ZBTB44: variants seen among roughly 807,000 people sequenced by gnomAD.
ZBTB44 encodes the protein zinc finger and BTB domain-containing protein 44.
ZBTB44 carries 15 observed loss-of-function variants against 54.0 expected under a neutral mutation model. That is an observed-to-expected ratio of 0.28 (90% CI 0.19 to 0.43). The LOEUF (loss-of-function observed/expected upper bound fraction) is 0.43, where lower values mean the gene tolerates loss of function less well. ZBTB44 is among the 20% of genes least tolerant of loss of function. ZBTB44 has a pLI of 1.00. For missense variants in ZBTB44, 487 were observed against 707.1 expected, an observed-to-expected ratio of 0.69 and a Z score of 3.53; for synonymous variants, 230 against 250.1, an observed-to-expected ratio of 0.92 and a Z score of 0.76.
chr11:130,267,557 A>G (rs1939340534), intron 1 of ZBTB44, among the ~76,000 whole-genome samples: 1 of 151,864 alleles, frequency 6.6e-6, no homozygotes, highest in African/African-American at 2.4e-5. Context: ...GGTGTGTATC[A>G]CCACGCCTGG....
At position 130,226,940 on chromosome 11, in the gene ZBTB44, A is replaced by G. The variant is rs931938811; in HGVS notation, c.*4824T>C. On this transcript the variant is annotated 3_prime_UTR_variant, in exon 8 of 8. Transcript: ENST00000357899. ...ATATTTTCCTTATATCAAACAAGCT[A>G]ATTTCAGTACAATATAACTATACAG... The G allele has an allele frequency of 6.6e-6, 1 of 152,206 alleles. No homozygotes were observed. Among genetic ancestry groups the G allele is most frequent in the Non-Finnish European group, 1.5e-5 (1 of 68,038 alleles). 9.4% of individuals were successfully genotyped at this position (152,206 alleles called of 1,614,324 possible).
At chr11:130,233,666 G>C (rs1953980402) in intron 6 of ZBTB44, 1 of 1,257,750 alleles carries the variant, frequency 8.0e-7, no homozygotes. Flanking sequence ...ATAATCATCT[G>C]ATTTCCTCTC....
chr11:130,275,382 T>C (rs1388781149), intron 1 of ZBTB44, among the ~76,000 whole-genome samples: 5 of 152,216 alleles, frequency 3.3e-5, no homozygotes, highest in Admixed American at 1.3e-4. Context: ...ATTCACTATG[T>C]TGCCCAGGCT....
chr11:130,303,021 A>C (rs1019982928), intron 1 of ZBTB44, among the ~76,000 whole-genome samples: 4 of 152,166 alleles, frequency 2.6e-5, no homozygotes, highest in Non-Finnish European at 5.9e-5. Context: ...AAAGTAAGTA[A>C]ATCTAAGTCC....
chr11:130,287,977 A>AAAAG (rs1555174574), intron 1 of ZBTB44, among the ~76,000 whole-genome samples: 1 of 151,940 alleles, frequency 6.6e-6, no homozygotes, highest in Non-Finnish European at 1.5e-5. Flanking sequence ...AAAAAAAAAA[A>AAAAG]AAAGAAAGAA....
At chr11:130,267,929 C>T (rs980301339) in intron 1 of ZBTB44, among the ~76,000 whole-genome samples, 3 of 151,746 alleles carry the variant, frequency 2.0e-5, no homozygotes, top group African/African-American at 7.3e-5. Flanking sequence ...AAAAATTAGC[C>T]GGGTGTGGTG....
At chr11:130,289,692 C>A (rs1002190421) in intron 1 of ZBTB44, among the ~76,000 whole-genome samples, 16 of 152,066 alleles carry the variant, frequency 1.1e-4, no homozygotes, top group African/African-American at 3.9e-4. Context: ...GTTTTGTTAC[C>A]ATAGGAGAGC....
intron 1 of ZBTB44, among the ~76,000 whole-genome samples, chr11:130,302,317 T>C (rs367598534): frequency 1.1e-4 from 17 of 152,242 alleles, no homozygotes; most frequent in African/African-American, 3.9e-4. Flanking sequence ...CCTTACACTA[T>C]GCTATACTGC....
chr11:130,259,484 C>G lies in ZBTB44; in HGVS notation c.1018+1372G>C, dbSNP rs565475503. ...ACCCAAAGGATTATAAATCTTTCTA[C>G]TATAAAGACACATGCGCACATATGT... On this transcript the variant is annotated intron_variant, in intron 2 of 7. Coordinates refer to ENST00000357899, the MANE Select transcript of ZBTB44 (RefSeq NM_001301098.2). 3.3e-5 allele frequency among the ~76,000 whole-genome samples: 5 copies of G among 152,320 alleles called. No homozygotes were observed. In the East Asian group the frequency reaches 9.6e-4, roughly 29 times the overall value.
chr11:130,257,604 T>C (rs1015269232), intron 2 of ZBTB44, among the ~76,000 whole-genome samples: 13 of 152,344 alleles, frequency 8.5e-5, no homozygotes, highest in African/African-American at 3.1e-4. Flanking sequence ...CAAAGGGAAC[T>C]AACACCTGTC....
chr11:130,245,981 T>A (rs1409056261), intron 2 of ZBTB44, among the ~76,000 whole-genome samples: 1 of 152,222 alleles, frequency 6.6e-6, no homozygotes, highest in East Asian at 1.9e-4. Flanking sequence ...ATTCAATGGA[T>A]AGTGAGCATG....
intron 1 of ZBTB44, among the ~76,000 whole-genome samples, chr11:130,262,304 TA>T (rs887573380): frequency 3.0e-4 from 45 of 152,180 alleles, no homozygotes; most frequent in African/African-American, 1.1e-3. Context: ...CATGCCTGGC[TA>T]AGTTTTGTAT....
chr11:130,263,595 C>T (rs548546767), intron 1 of ZBTB44, among the ~76,000 whole-genome samples: 6 of 152,278 alleles, frequency 3.9e-5, no homozygotes, highest in African/African-American at 1.4e-4. Context: ...ACATGTGCAT[C>T]GGAGTATTAA....
intron 3 of ZBTB44, 110 bp from the exon 4 acceptor site, chr11:130,238,717 G>A: frequency 3.4e-6 from 4 of 1,161,304 alleles, no homozygotes; most frequent in Non-Finnish European, 4.6e-6. Flanking sequence ...AAGACTTTTT[G>A]AAACAGTTTA....
At chr11:130,279,142 A>G (rs536386717) in intron 1 of ZBTB44, among the ~76,000 whole-genome samples, 1 of 151,982 alleles carries the variant, frequency 6.6e-6, no homozygotes. Context: ...TTATTTTAGC[A>G]AAGTCTATTT....
At chr11:130,292,750 A>G (rs1323312808) in intron 1 of ZBTB44, among the ~76,000 whole-genome samples, 1 of 152,230 alleles carries the variant, frequency 6.6e-6, no homozygotes, top group Non-Finnish European at 1.5e-5. Flanking sequence ...TTGATTTAGG[A>G]ATGGAAGAAC....
intron 5 of ZBTB44, 66 bp downstream of exon 5, chr11:130,236,727 C>T (rs1954125855): frequency 1.5e-6 from 2 of 1,317,152 alleles, no homozygotes; most frequent in East Asian, 6.0e-5. Context: ...AGAAGGCTGC[C>T]CTAAAAGCAG....
At chr11:130,292,295 G>C (rs1941350374) in intron 1 of ZBTB44, among the ~76,000 whole-genome samples, 1 of 152,124 alleles carries the variant, frequency 6.6e-6, no homozygotes, top group Non-Finnish European at 1.5e-5. Flanking sequence ...CCATTTATGT[G>C]TTATACTCTT....
At position 130,312,734 on chromosome 11, in the gene ZBTB44, GA is replaced by G. The variant is rs200137602; in HGVS notation, c.-57+1640del. On this transcript the variant is annotated intron_variant, in intron 1 of 7. Transcript: ENST00000357899. ...TAATCACCAAATGCAATCAATGCAT[GA>G]ATCTTGACTGACTACAACTGGGGGC... is the stretch of plus-strand genomic sequence containing the variant. 8.9e-3 allele frequency among the ~76,000 whole-genome samples: 1,363 copies of G among 152,308 alleles called. 24 individuals carry two copies. Among genetic ancestry groups the G allele is most frequent in the African/African-American group, 0.03 (1,230 of 41,562 alleles).
Sources: allele counts gnomAD v4.1 joint callset (sites outside exome capture counted in the v4.1 genomes callset), GRCh38; gene constraint gnomAD v4.1.1; transcripts MANE v1.5; gene names NCBI Gene and HGNC (gene_info 2026-07-23, HGNC 2026-07-21).